CCDC7: variants seen among roughly 807,000 people sequenced by gnomAD.
CCDC7 encodes the protein coiled-coil domain-containing protein 7.
A neutral mutation model predicts 196.9 loss-of-function variants in CCDC7; 183 were observed. The observed-to-expected ratio is 0.93, with a 90% CI of 0.82 to 1.05. The LOEUF is 1.05. Ranked by LOEUF, CCDC7 falls within the 50% of genes least tolerant of loss-of-function variation. CCDC7 has a pLI of 0.00. For synonymous variants in CCDC7, 525 were observed against 484.6 expected (o/e 1.08, Z -1.10); for missense variants, 1,540 against 1,482.2 (o/e 1.04, Z -0.64).
chr10:32,834,823 T>G (rs898845646), exon 33 of CCDC7: 1 of 1,418,512 alleles, frequency 7.0e-7, no homozygotes, highest in South Asian at 1.2e-5. Flanking sequence ...AGAGACTGTC[T>G]TAAAACACTT....
intron 18 of CCDC7, among the ~76,000 whole-genome samples, chr10:32,628,694 A>T (rs1271334607): frequency 6.6e-6 from 1 of 151,916 alleles, no homozygotes; most frequent in East Asian, 1.9e-4. Context: ...AAGTTGTGGT[A>T]TGTTGTATTT....
chr10:32,544,224 T>G, intron 12 of CCDC7, 23 bp from the exon 14 acceptor site: 1 of 1,589,478 alleles, frequency 6.3e-7, no homozygotes, highest in Non-Finnish European at 8.6e-7. Context: ...TCATGATGCA[T>G]TTTAAAACAT....
intron 8 of CCDC7, among the ~76,000 whole-genome samples, chr10:32,488,626 C>G (rs2041647843): frequency 6.6e-6 from 1 of 152,144 alleles, no homozygotes; most frequent in Non-Finnish European, 1.5e-5. Flanking sequence ...CATCTTGGCT[C>G]CAACCCCCCA....
downstream of CCDC7, among the ~76,000 whole-genome samples, chr10:32,881,930 C>A (rs1340895389): frequency 6.6e-6 from 1 of 152,134 alleles, no homozygotes; most frequent in Non-Finnish European, 1.5e-5. Context: ...ACAAGTTCAT[C>A]TAACTTGCTT....
At chr10:32,776,888 C>T (rs536641623) in intron 28 of CCDC7, among the ~76,000 whole-genome samples, 1 of 151,896 alleles carries the variant, frequency 6.6e-6, no homozygotes, top group Admixed American at 6.5e-5. Flanking sequence ...TTGTTTTTTA[C>T]TATGTGTACT....
chr10:32,603,343 TTCA>T (rs1282356380), intron 18 of CCDC7, among the ~76,000 whole-genome samples: 2 of 152,140 alleles, frequency 1.3e-5, no homozygotes, highest in Non-Finnish European at 2.9e-5. Flanking sequence ...TCTTTATCCA[TTCA>T]TCCATTGATG....
intron 28 of CCDC7, among the ~76,000 whole-genome samples, chr10:32,754,804 TG>T (rs1322210384): frequency 6.6e-6 from 1 of 152,058 alleles, no homozygotes; most frequent in East Asian, 1.9e-4. Context: ...GAGTGTGAGC[TG>T]AAGCAGGGCG....
chr10:32,620,712 A>G (rs1239276778), intron 18 of CCDC7, among the ~76,000 whole-genome samples: 1 of 152,158 alleles, frequency 6.6e-6, no homozygotes, highest in Non-Finnish European at 1.5e-5. Context: ...TCCTGTGTTT[A>G]GCAGTGTCTG....
At chr10:32,655,193 A>G (rs2069562388) in intron 20 of CCDC7, among the ~76,000 whole-genome samples, 1 of 152,140 alleles carries the variant, frequency 6.6e-6, no homozygotes, top group South Asian at 2.1e-4. Flanking sequence ...CACAGCTATT[A>G]TAGTTGTGAG....
intron 33 of CCDC7, among the ~76,000 whole-genome samples, chr10:32,838,182 A>G (rs1196151841): frequency 6.6e-6 from 1 of 152,098 alleles, no homozygotes; most frequent in African/African-American, 2.4e-5. Flanking sequence ...TTCACTGCCC[A>G]GATTGCCAGA....
intron 5 of CCDC7, among the ~76,000 whole-genome samples, chr10:32,467,062 G>A (rs755990061): frequency 3.3e-5 from 5 of 150,648 alleles, no homozygotes; most frequent in African/African-American, 9.7e-5. Flanking sequence ...TGTTGGCCCC[G>A]TGTATGTCTT....
intron 13 of CCDC7, among the ~76,000 whole-genome samples, chr10:32,553,182 T>G (rs2053773140): frequency 6.6e-6 from 1 of 151,756 alleles, no homozygotes; most frequent in South Asian, 2.1e-4. Context: ...GAGCTCTGAA[T>G]TTCTTTCTTC....
chr10:32,492,042 A>C, intron 9 of CCDC7, 45 bp downstream of exon 10: 1 of 1,478,744 alleles, frequency 6.8e-7, no homozygotes, highest in Non-Finnish European at 9.0e-7. Flanking sequence ...CTATTTTTAA[A>C]AAAAGACAGA....
At chr10:32,718,192 G>C (rs1158927284) in intron 25 of CCDC7, among the ~76,000 whole-genome samples, 2 of 152,072 alleles carry the variant, frequency 1.3e-5, no homozygotes, top group Admixed American at 1.3e-4. Flanking sequence ...ACCACGATCA[G>C]GTCAGCTTCA....
At chr10:32,798,672 T>G (rs1360034230) in intron 29 of CCDC7, among the ~76,000 whole-genome samples, 2 of 152,246 alleles carry the variant, frequency 1.3e-5, no homozygotes, top group Non-Finnish European at 2.9e-5. Context: ...CTACAGCCCA[T>G]GAATCAGCAT....
intron 18 of CCDC7, among the ~76,000 whole-genome samples, chr10:32,626,953 GT>G (rs2064132232): frequency 6.6e-6 from 1 of 151,204 alleles, no homozygotes; most frequent in Non-Finnish European, 1.5e-5. Flanking sequence ...AATTACTATA[GT>G]TTTGTAGTAT....
chr10:32,502,754 A>G (rs2044271818), intron 9 of CCDC7, among the ~76,000 whole-genome samples: 1 of 152,154 alleles, frequency 6.6e-6, no homozygotes, highest in Admixed American at 6.5e-5. Flanking sequence ...GGTAGCATGA[A>G]CATTTTAACG....
intron 32 of CCDC7, among the ~76,000 whole-genome samples, chr10:32,828,434 G>GGAGAAGAAGAA (rs1395168609): frequency 1.5e-5 from 1 of 65,818 alleles, no homozygotes; most frequent in African/African-American, 4.1e-5. Flanking sequence ...GAAGAAGGAA[G>GGAGAAGAAGAA]GAAGGAGAAG....
At chr10:32,638,403 C>A (rs531200832) in intron 20 of CCDC7, among the ~76,000 whole-genome samples, 46 of 152,226 alleles carry the variant, frequency 3.0e-4, no homozygotes, top group African/African-American at 1.1e-3. Context: ...GAGATACGTC[C>A]CATCAATACC....
Sources: allele counts gnomAD v4.1 joint callset (sites outside exome capture counted in the v4.1 genomes callset), GRCh38; gene constraint gnomAD v4.1.1; transcripts MANE v1.5; gene names NCBI Gene and HGNC (gene_info 2026-07-23, HGNC 2026-07-21).